Variants in RAB27B observed in about 807,000 individuals in gnomAD.
RAB27B encodes the protein ras-related protein Rab-27B.
In RAB27B, 15 loss-of-function variants were observed where a neutral mutation model predicts 24.6. The observed-to-expected ratio is 0.61, with a 90% CI of 0.41 to 0.94. RAB27B has a LOEUF of 0.94. Ranked by LOEUF, RAB27B falls within the 40% of genes least tolerant of loss-of-function variation. The probability of loss-of-function intolerance (pLI) is 0.00; values close to 1 mark genes in which losing one functional copy is unlikely to be tolerated. For synonymous variants in RAB27B, 105 were observed against 92.5 expected (o/e 1.14, Z -0.78); for missense variants, 261 against 266.8 (o/e 0.98, Z 0.15).
chr18:54,894,461 T>C lies in RAB27B; in HGVS notation c.*5048T>C, dbSNP rs147485103. 2.1e-3 allele frequency: 314 copies of C among 152,166 alleles called. 2 individuals are homozygous for C. The highest frequency in any genetic ancestry group is 7.4e-3 in the African/African-American group (306 of 41,552). The allele number at this position is 152,166 out of a possible 1,614,324, so 9.4% of individuals were successfully genotyped here. A position where few individuals can be genotyped will look rare whatever the true frequency, so the allele number is the denominator to read the frequency against. Reference sequence around the variant, plus strand: ...TCAGTGGCTTCTGTCTTTATGTCTGTTGGCATATCAAAATGGTTTCTGTTC... The same window carrying C: ...TCAGTGGCTTCTGTCTTTATGTCTGCTGGCATATCAAAATGGTTTCTGTTC... On this transcript the variant is annotated 3_prime_UTR_variant, in exon 6 of 6. Coordinates refer to ENST00000262094, the MANE Select transcript of RAB27B (RefSeq NM_004163.4).
intron 2 of RAB27B, among the ~76,000 whole-genome samples, chr18:54,730,345 G>C (rs1028610575): frequency 6.6e-6 from 1 of 152,156 alleles, no homozygotes. Flanking sequence ...TGCTGACATG[G>C]ACTGCGCCTT....
intron 2 of RAB27B, among the ~76,000 whole-genome samples, chr18:54,788,471 T>A (rs1040302699): frequency 2.0e-5 from 3 of 152,090 alleles, no homozygotes; most frequent in Non-Finnish European, 2.9e-5. Flanking sequence ...CCCAGCTAAT[T>A]TTTGTGCTTT....
intron 5 of RAB27B, among the ~76,000 whole-genome samples, 161 bp from the exon 6 acceptor site, chr18:54,889,063 T>C (rs181151345): frequency 1.3e-4 from 20 of 152,210 alleles, no homozygotes; most frequent in Admixed American, 3.9e-4. Context: ...TTTTACTCAC[T>C]GAGGAAAAAA....
At chr18:54,856,013 T>C (rs1265857028) in intron 1 of RAB27B, among the ~76,000 whole-genome samples, 2 of 152,218 alleles carry the variant, frequency 1.3e-5, no homozygotes. Context: ...ACACAAGACG[T>C]GCAAAGCTTC....
rs192393748 is a variant in RAB27B at position 54,856,759 on chromosome 18, A to G, written c.-19-20808A>G. Among the ~76,000 whole-genome samples, 222 of 152,338 alleles carry G rather than the reference A, an allele frequency of 1.5e-3. 1 individual carries two copies. The highest frequency in any genetic ancestry group is 5.0e-3 in the African/African-American group (208 of 41,566). The stretch of plus-strand genomic sequence containing the variant: ...TAGGATGTTTCATGTAATCTTCACA[A>G]TAAACTCTGTGCCCAATGCATATTA... On this transcript the variant is annotated intron_variant, in intron 1 of 5. Transcript: ENST00000262094.
intron 2 of RAB27B, among the ~76,000 whole-genome samples, chr18:54,811,897 A>G (rs924435835): frequency 2.0e-5 from 3 of 152,216 alleles, no homozygotes; most frequent in Non-Finnish European, 4.4e-5. Flanking sequence ...TTCATAAGAC[A>G]TTCACTCAAT....
chr18:54,745,447 A>G (rs1387917252), intron 2 of RAB27B: 3 of 153,960 alleles, frequency 1.9e-5, no homozygotes, highest in African/African-American at 7.2e-5. Flanking sequence ...GTTCACTGCT[A>G]CTCAGCCTGC....
At chr18:54,756,783 C>CATT (rs1197886899) in intron 2 of RAB27B, among the ~76,000 whole-genome samples, 3 of 152,180 alleles carry the variant, frequency 2.0e-5, no homozygotes, top group Non-Finnish European at 2.9e-5. Flanking sequence ...TACAGGAATA[C>CATT]ATTACTAAGG....
chr18:54,855,987 C>G lies in RAB27B; in HGVS notation c.-19-21580C>G, dbSNP rs1156970640. Among the ~76,000 whole-genome samples the G allele has an allele frequency of 2.0e-5, 3 of 152,326 alleles. No homozygotes were observed. In the East Asian group the frequency reaches 5.8e-4, roughly 29 times the overall value. Reference sequence around the variant, plus strand: ...ACATTTGTTGAACACTTATTTTGAGCTAGACCCTAAAGTAAACACAAGACG... The same window carrying G: ...ACATTTGTTGAACACTTATTTTGAGGTAGACCCTAAAGTAAACACAAGACG... On this transcript the variant is annotated intron_variant, in intron 1 of 5. Coordinates refer to ENST00000262094, the MANE Select transcript of RAB27B (RefSeq NM_004163.4).
intron 4 of RAB27B, among the ~76,000 whole-genome samples, chr18:54,887,048 T>C (rs1913172189): frequency 1.5e-5 from 1 of 64,792 alleles, no homozygotes; most frequent in African/African-American, 6.0e-5. Context: ...CCTCCCTTCC[T>C]TACTTCCCTC....
rs184898936 is a variant in RAB27B at position 54,888,088 on chromosome 18, G to A, written c.437G>A (p.Arg146Gln). ...CCAGATCAGAGGGAAGTCAATGAAC[G>A]GCAAGCTCGGGAACTGGCTGACAAA... is the stretch of plus-strand genomic sequence containing the variant. ...DLPDQREVNE[R>Q]QARELADKYG... is the part of the protein sequence containing the mutation. The change falls in exon 5 of 6, where the codon CGG becomes CAG. Residue 146 changes from arginine to glutamine, a missense_variant. By Grantham distance (43) the Arg-to-Gln change is conservative. Coordinates refer to ENST00000262094, the MANE Select transcript of RAB27B (RefSeq NM_004163.4). 1.5e-5 allele frequency: 24 copies of A among 1,612,850 alleles called. No individual in the cohort carries two copies. In the East Asian group the frequency reaches 4.5e-4, roughly 30 times the overall value.
At chr18:54,824,169 T>C (rs1910398613), upstream of RAB27B, among the ~76,000 whole-genome samples, 1 of 152,228 alleles carries the variant, frequency 6.6e-6, no homozygotes, top group Non-Finnish European at 1.5e-5. Context: ...GTTAATTCTC[T>C]TGTTGGCATT....
upstream of RAB27B, among the ~76,000 whole-genome samples, chr18:54,824,249 A>G (rs1222936429): frequency 6.6e-6 from 1 of 152,124 alleles, no homozygotes; most frequent in Non-Finnish European, 1.5e-5. Context: ...TTTTCTTGCA[A>G]CTTTTTGTTT....
intron 2 of RAB27B, among the ~76,000 whole-genome samples, chr18:54,766,945 G>A (rs984301008): frequency 3.9e-5 from 6 of 152,100 alleles, no homozygotes; most frequent in Non-Finnish European, 8.8e-5. Context: ...GTTCAGTTTT[G>A]CCTCTTCTTT....
chr18:54,734,112 T>C (rs150935942), intron 2 of RAB27B, among the ~76,000 whole-genome samples: 6 of 152,336 alleles, frequency 3.9e-5, no homozygotes, highest in South Asian at 4.1e-4. Context: ...GTCAGCCATA[T>C]TCCAGACAAA....
intron 2 of RAB27B, among the ~76,000 whole-genome samples, chr18:54,765,818 T>A (rs1298830095): frequency 1.3e-5 from 2 of 152,146 alleles, no homozygotes; most frequent in African/African-American, 4.8e-5. Context: ...GAGGAGATAT[T>A]TGCCCACACC....
intron 2 of RAB27B, among the ~76,000 whole-genome samples, chr18:54,822,943 A>G (rs986967098): frequency 6.6e-6 from 1 of 152,250 alleles, no homozygotes; most frequent in Non-Finnish European, 1.5e-5. Context: ...AGACAAAATT[A>G]CAATAATCTC....
In RAB27B at chr18:54,892,006, G is replaced by C. The variant is rs1913386417; in HGVS notation, c.*2593G>C. 1 of 151,952 alleles carries C rather than the reference G, an allele frequency of 6.6e-6. No individual in the cohort carries two copies. Among genetic ancestry groups the C allele is most frequent in the Admixed American group, 6.6e-5 (1 of 15,228 alleles). The allele number at this position is 151,952 out of a possible 1,614,324, so 9.4% of individuals were successfully genotyped here. ...AGAAATTCCTTCTCTCATTATTTCA[G>C]GATTAGTAGTTCTGTGTAATTCATT... On this transcript the variant is annotated 3_prime_UTR_variant, in exon 6 of 6. Transcript: ENST00000262094.
chr18:54,809,025 A>C (rs535130266), intron 2 of RAB27B, among the ~76,000 whole-genome samples: 3 of 152,338 alleles, frequency 2.0e-5, no homozygotes, highest in African/African-American at 7.2e-5. Flanking sequence ...CAATTAGTAC[A>C]TGATCAATTC....
Sources: gnomAD v4.1 joint callset for allele counts (sites outside exome capture counted in the v4.1 genomes callset) on GRCh38, gnomAD v4.1.1 for gene constraint, MANE v1.5 for transcripts, NCBI Gene and HGNC (gene_info 2026-07-23, HGNC 2026-07-21) for gene names.